Variants in EEPD1 observed in about 807,000 individuals in gnomAD.
EEPD1 encodes endonuclease/exonuclease/phosphatase family domain containing 1, also known as endonuclease/exonuclease/phosphatase family domain-containing protein 1.
EEPD1 carries 17 observed loss-of-function variants against 46.3 expected under a neutral mutation model. The observed-to-expected ratio is 0.37, with a 90% CI of 0.25 to 0.55. The LOEUF is 0.55. EEPD1 is among the 20% of genes least tolerant of loss of function. The probability of loss-of-function intolerance (pLI) is 0.83; values close to 1 mark genes in which losing one functional copy is unlikely to be tolerated. For synonymous variants in EEPD1, 313 were observed against 315.6 expected (o/e 0.99, Z 0.09); for missense variants, 673 against 745.6 (o/e 0.90, Z 1.13).
At chr7:36,153,989 A>G (rs1471657737) in intron 1 of EEPD1, 144 bp from the exon 2 acceptor site, 2 of 360,554 alleles carry the variant, frequency 5.5e-6, no homozygotes, top group Admixed American at 4.5e-5. Context: ...ACATGGGCCT[A>G]GCCTCATTGT....
At chr7:36,268,611 A>G (rs1157103853) in intron 3 of EEPD1, among the ~76,000 whole-genome samples, 1 of 152,136 alleles carries the variant, frequency 6.6e-6, no homozygotes, top group African/African-American at 2.4e-5. Context: ...CCTGGCCCCA[A>G]CCGTGATTCT....
chr7:36,232,240 T>C (rs896217442), intron 2 of EEPD1, among the ~76,000 whole-genome samples: 1 of 151,582 alleles, frequency 6.6e-6, no homozygotes, highest in South Asian at 2.1e-4. Context: ...AGTCTCACTC[T>C]GTCACCTAGG....
intron 6 of EEPD1, among the ~76,000 whole-genome samples, chr7:36,288,423 G>A (rs960663249): frequency 7.2e-5 from 11 of 152,088 alleles, no homozygotes; most frequent in African/African-American, 1.9e-4. Context: ...TCATGTACAC[G>A]AGTTGACTCT....
chr7:36,271,144 G>A (rs1231879449), intron 3 of EEPD1, among the ~76,000 whole-genome samples: 3 of 151,816 alleles, frequency 2.0e-5, no homozygotes, highest in Non-Finnish European at 4.4e-5. Flanking sequence ...CCGCCACCAC[G>A]CCCGGCTAAT....
At chr7:36,249,644 C>A (rs757541380) in intron 3 of EEPD1, among the ~76,000 whole-genome samples, 1 of 152,096 alleles carries the variant, frequency 6.6e-6, no homozygotes, top group African/African-American at 2.4e-5. Context: ...GAGAATAAGC[C>A]GCTGTACCTA....
chr7:36,171,342 C>T (rs980908777), intron 2 of EEPD1, among the ~76,000 whole-genome samples: 9 of 152,328 alleles, frequency 5.9e-5, no homozygotes, highest in African/African-American at 1.7e-4. Context: ...AAAGCCAAAA[C>T]TCATGTTGCT....
chr7:36,215,875 T>A (rs1484303440), intron 2 of EEPD1, among the ~76,000 whole-genome samples: 2 of 152,252 alleles, frequency 1.3e-5, no homozygotes, highest in Non-Finnish European at 2.9e-5. Context: ...TAAATTCTTT[T>A]ACATTTTGTA....
chr7:36,257,157 C>T (rs1786839659), intron 3 of EEPD1, among the ~76,000 whole-genome samples: 3 of 152,196 alleles, frequency 2.0e-5, no homozygotes, highest in Admixed American at 2.0e-4. Flanking sequence ...CCCCCACTTT[C>T]TTATGGCTTG....
At chr7:36,188,199 A>T (rs6973686) in intron 2 of EEPD1, among the ~76,000 whole-genome samples, 1 of 151,802 alleles carries the variant, frequency 6.6e-6, no homozygotes, top group Non-Finnish European at 1.5e-5. Flanking sequence ...CTCTTTCTCT[A>T]TCTTACTCTC....
At chr7:36,272,507 T>TTG (rs759464638) in intron 3 of EEPD1, among the ~76,000 whole-genome samples, 809 of 78,938 alleles carry the variant, frequency 0.01, 7 homozygotes, top group South Asian at 0.059. Context: ...TTTGTTGTTG[T>TTG]TTTTTTTTTT....
intron 2 of EEPD1, among the ~76,000 whole-genome samples, chr7:36,168,869 G>C (rs1785034063): frequency 6.6e-6 from 1 of 151,984 alleles, no homozygotes; most frequent in Non-Finnish European, 1.5e-5. Context: ...CCTCTTGGGG[G>C]TACTGCCCTG....
In EEPD1 at chr7:36,223,692, A is replaced by G. The variant is rs1258833436; in HGVS notation, c.879-15293A>G. Among the ~76,000 whole-genome samples, 4 of 152,358 alleles carry G rather than the reference A, an allele frequency of 2.6e-5. No homozygotes were observed. In the East Asian group the frequency reaches 7.7e-4, roughly 29 times the overall value. ...CTTCATTGCTCTGAAGCTGTAAAAT[A>G]GAAATCGAAATCCCTGCCTCTTCAG... is the stretch of plus-strand genomic sequence containing the variant. On this transcript the variant is annotated intron_variant, in intron 2 of 7. Transcript: ENST00000242108.
At chr7:36,198,990 T>C (rs2726084) in intron 2 of EEPD1, among the ~76,000 whole-genome samples, 16,652 of 151,900 alleles carry the variant, frequency 0.11, 1,208 homozygotes, top group Non-Finnish European at 0.17. Flanking sequence ...AAAGAGCCTC[T>C]TCTTCTCCTT....
At chr7:36,246,641 T>C (rs1786644811) in intron 3 of EEPD1, among the ~76,000 whole-genome samples, 1 of 152,124 alleles carries the variant, frequency 6.6e-6, no homozygotes, top group Non-Finnish European at 1.5e-5. Context: ...CTGCTCCTTT[T>C]GCCAAATTGT....
Position 36,155,085 on chromosome 7 carries a change from C to T in EEPD1, c.761C>T (p.Thr254Ile). 6.3e-7 allele frequency: 1 copy of T among 1,587,202 alleles called. No homozygotes were observed. The highest frequency in any genetic ancestry group is 8.6e-7 in the Non-Finnish European group (1 of 1,165,576). ...TRPSVEAFGG[T>I]RDGRPVLRLA... ...CCGTCCGTGGAGGCCTTTGGAGGCACAAGGGATGGGAGGCCTGTGCTGAGG... is the reference window on the plus strand; with the variant it reads ...CCGTCCGTGGAGGCCTTTGGAGGCATAAGGGATGGGAGGCCTGTGCTGAGG... The change falls in exon 2 of 8, where the codon ACA becomes ATA. Residue 254 changes from threonine (T) to isoleucine (I), a missense_variant. Thr to Ile is a moderately conservative substitution (Grantham distance 89). Transcript: ENST00000242108.
intron 3 of EEPD1, among the ~76,000 whole-genome samples, chr7:36,278,402 C>G (rs1787213351): frequency 6.6e-6 from 1 of 151,742 alleles, no homozygotes; most frequent in African/African-American, 2.4e-5. Flanking sequence ...ATCCTGGTGG[C>G]ACCGCTGCAG....
chr7:36,199,684 T>TA (rs921000099), intron 2 of EEPD1, among the ~76,000 whole-genome samples: 1 of 152,108 alleles, frequency 6.6e-6, no homozygotes, highest in African/African-American at 2.4e-5. Flanking sequence ...GCTTCGACCC[T>TA]AAAATGGGGG....
intron 2 of EEPD1, among the ~76,000 whole-genome samples, chr7:36,179,010 A>T (rs1016933397): frequency 2.2e-4 from 34 of 152,230 alleles, no homozygotes; most frequent in African/African-American, 8.2e-4. Context: ...GCGGGATGGT[A>T]CTTTTCCAAG....
intron 2 of EEPD1, chr7:36,229,016 C>T (rs1316289966): frequency 6.6e-6 from 1 of 152,308 alleles, no homozygotes; most frequent in Non-Finnish European, 1.5e-5. Flanking sequence ...GAAAGGCTGC[C>T]TGGAGAGCCC....
Sources: gnomAD v4.1 joint callset for allele counts (sites outside exome capture counted in the v4.1 genomes callset) on GRCh38, gnomAD v4.1.1 for gene constraint, MANE v1.5 for transcripts, NCBI Gene and HGNC (gene_info 2026-07-23, HGNC 2026-07-21) for gene names.